NAV2: variants seen among roughly 807,000 people sequenced by gnomAD.
NAV2 encodes neuron navigator 2, also known as helicase, APC down-regulated 1.
In NAV2, 54 loss-of-function variants were observed where a neutral mutation model predicts 223.2. That is an observed-to-expected ratio of 0.24 (90% CI 0.19 to 0.30). The LOEUF is 0.30. Among genes scored for constraint, NAV2 ranks in the 10% least tolerant of loss-of-function variants. NAV2 has a pLI of 1.00. For synonymous variants in NAV2, 1,279 were observed against 1,239.3 expected, an observed-to-expected ratio of 1.03 and a Z score of -0.67; for missense variants, 2,806 against 3,147.5, an observed-to-expected ratio of 0.89 and a Z score of 2.60.
intron 11 of NAV2, among the ~76,000 whole-genome samples, chr11:20,018,834 T>G (rs2054237594): frequency 6.6e-6 from 1 of 152,164 alleles, no homozygotes; most frequent in African/African-American, 2.4e-5. Flanking sequence ...AGGAAATCCC[T>G]GAGGAGGTGC....
At chr11:20,063,546 T>A (rs1011686181) in intron 20 of NAV2, among the ~76,000 whole-genome samples, 1 of 152,080 alleles carries the variant, frequency 6.6e-6, no homozygotes, top group African/African-American at 2.4e-5. Context: ...CTAATTTTTT[T>A]ACATTTTTAG....
At chr11:19,939,517 A>G in intron 7 of NAV2, 144 bp from the exon 8 acceptor site, 1 of 601,030 alleles carries the variant, frequency 1.7e-6, no homozygotes, top group East Asian at 2.9e-5. Flanking sequence ...CTAATGAATT[A>G]TTTAGCGTCA....
chr11:19,976,582 A>G (rs373793687), intron 10 of NAV2, among the ~76,000 whole-genome samples: 4 of 152,194 alleles, frequency 2.6e-5, no homozygotes, highest in Non-Finnish European at 5.9e-5. Flanking sequence ...GCTTAGCAAC[A>G]TCTTTGCAGT....
At chr11:19,366,596 A>C (rs1449667280) in intron 1 of NAV2, among the ~76,000 whole-genome samples, 1 of 152,126 alleles carries the variant, frequency 6.6e-6, no homozygotes, top group African/African-American at 2.4e-5. Context: ...TTCTGGGAAG[A>C]GCTGGGTCTG....
intron 6 of NAV2, among the ~76,000 whole-genome samples, chr11:19,924,315 A>C (rs961567952): frequency 6.6e-6 from 1 of 152,100 alleles, no homozygotes; most frequent in African/African-American, 2.4e-5. Flanking sequence ...AAAAAAACAA[A>C]AAAAAACTGG....
chr11:19,449,892 C>T (rs548613121), intron 1 of NAV2, among the ~76,000 whole-genome samples: 17 of 143,774 alleles, frequency 1.2e-4, no homozygotes, highest in African/African-American at 3.3e-4. Context: ...CCTGAAGATT[C>T]GTGGCTTCAT....
At chr11:19,536,042 A>T (rs1451081562) in intron 1 of NAV2, among the ~76,000 whole-genome samples, 1 of 152,204 alleles carries the variant, frequency 6.6e-6, no homozygotes. Flanking sequence ...AAGTTACTTG[A>T]TTAGAGTCAC....
intron 6 of NAV2, among the ~76,000 whole-genome samples, chr11:19,898,285 A>G (rs752992628): frequency 2.6e-4 from 40 of 152,200 alleles, no homozygotes; most frequent in Non-Finnish European, 3.1e-4. Context: ...ATTCAAAGAC[A>G]AAGAACCCTA....
At chr11:19,706,776 T>C (rs532517297) in intron 1 of NAV2, among the ~76,000 whole-genome samples, 3 of 152,368 alleles carry the variant, frequency 2.0e-5, no homozygotes, top group East Asian at 1.9e-4. Context: ...CCTGCAGTCA[T>C]GCATTACTTA....
chr11:19,877,231 A>C (rs1251352516), intron 4 of NAV2, among the ~76,000 whole-genome samples: 2 of 151,728 alleles, frequency 1.3e-5, no homozygotes, highest in Non-Finnish European at 2.9e-5. Flanking sequence ...ATTAAATGAG[A>C]TCATGCATAT....
At chr11:19,623,113 A>T (rs60458689) in intron 1 of NAV2, among the ~76,000 whole-genome samples, 1 of 152,200 alleles carries the variant, frequency 6.6e-6, no homozygotes, top group African/African-American at 2.4e-5. Flanking sequence ...TCTAGCTTAT[A>T]GAGTTTCTGC....
chr11:19,377,997 A>G (rs916217995), intron 1 of NAV2, among the ~76,000 whole-genome samples: 6 of 152,086 alleles, frequency 3.9e-5, no homozygotes, highest in African/African-American at 1.4e-4. Context: ...TGAGGCTGGG[A>G]GGAGGCAGGT....
rs909805330 is a variant in NAV2 at position 19,758,443 on chromosome 11, G to A, written c.267+44481G>A. On this transcript the variant is annotated intron_variant, in intron 1 of 37. Transcript: ENST00000349880. ...AGGGGCTGAAGGAGCTGGAGCTGGC[G>A]AAGGGTGGTGGTGGACCAGAGGAGC... 3.3e-5 allele frequency among the ~76,000 whole-genome samples: 5 copies of A among 152,216 alleles called. No individual in the cohort carries two copies. In the South Asian group the frequency reaches 6.2e-4, roughly 19 times the overall value.
intron 6 of NAV2, among the ~76,000 whole-genome samples, chr11:19,923,402 A>ACTG (rs1371160535): frequency 1.4e-5 from 2 of 147,514 alleles, no homozygotes; most frequent in Non-Finnish European, 3.0e-5. Context: ...AAAAAAAATT[A>ACTG]TTTGACTACT....
intron 10 of NAV2, among the ~76,000 whole-genome samples, chr11:19,958,906 A>T (rs1016336153): frequency 6.6e-6 from 1 of 152,222 alleles, no homozygotes; most frequent in African/African-American, 2.4e-5. Context: ...TCCAGAGTCC[A>T]CGCAGCAGAG....
chr11:20,097,969 A>G (rs914033939), intron 31 of NAV2, among the ~76,000 whole-genome samples: 2 of 152,242 alleles, frequency 1.3e-5, no homozygotes, highest in Admixed American at 6.5e-5. Context: ...ATCTAACAAA[A>G]GATCCCATTA....
chr11:19,960,638 G>T (rs2048281910), intron 10 of NAV2, among the ~76,000 whole-genome samples: 1 of 141,146 alleles, frequency 7.1e-6, no homozygotes, highest in Non-Finnish European at 1.5e-5. Context: ...TTTTGAGACA[G>T]AATCTTGCTC....
intron 1 of NAV2, among the ~76,000 whole-genome samples, chr11:19,391,093 T>A (rs1351045323): frequency 6.6e-6 from 1 of 151,932 alleles, no homozygotes; most frequent in East Asian, 1.9e-4. Flanking sequence ...TTCATGGGAG[T>A]CACCGTACCC....
rs139119682 is a variant in NAV2 at position 19,898,518 on chromosome 11, T to C, written c.931+5924T>C. 4.0e-3 allele frequency among the ~76,000 whole-genome samples: 614 copies of C among 152,312 alleles called. 4 individuals are homozygous for C. The highest frequency in any genetic ancestry group is 0.014 in the African/African-American group (585 of 41,576). On this transcript the variant is annotated intron_variant, in intron 6 of 37. Coordinates refer to ENST00000349880, the MANE Select transcript of NAV2 (RefSeq NM_145117.5). ...GGACAGCCTTTCTCGTTTGTGCACATAGGTCATTCTTTCTTCCTAATAGTC... is the reference window on the plus strand; with the variant it reads ...GGACAGCCTTTCTCGTTTGTGCACACAGGTCATTCTTTCTTCCTAATAGTC...
Sources: allele counts gnomAD v4.1 joint callset (sites outside exome capture counted in the v4.1 genomes callset), GRCh38; gene constraint gnomAD v4.1.1; transcripts MANE v1.5; gene names NCBI Gene and HGNC (gene_info 2026-07-23, HGNC 2026-07-21).